Variants in ZNF385B observed in about 807,000 individuals in gnomAD.
The protein encoded by ZNF385B is zinc finger protein 533.
ZNF385B carries 23 observed loss-of-function variants against 39.2 expected under a neutral mutation model. The ratio of observed to expected loss-of-function variants is 0.59; its 90% CI spans 0.42 to 0.83. The LOEUF is 0.83. ZNF385B is among the 40% of genes least tolerant of loss of function. The pLI is 0.00. For missense variants in ZNF385B, 552 were observed against 598.9 expected (o/e 0.92, Z 0.82); for synonymous variants, 205 against 222.6 (o/e 0.92, Z 0.70).
At chr2:179,545,087 G>A in intron 3 of ZNF385B, 118 bp from the exon 4 acceptor site, 1 of 1,264,410 alleles carries the variant, frequency 7.9e-7, no homozygotes, top group Non-Finnish European at 1.1e-6. Context: ...GAGTTATGCT[G>A]TAAGTAAGCA....
intron 1 of ZNF385B, among the ~76,000 whole-genome samples, chr2:179,834,990 C>G (rs935874157): frequency 5.9e-5 from 9 of 152,008 alleles, no homozygotes; most frequent in African/African-American, 1.4e-4. Flanking sequence ...TCATAAGGAA[C>G]AAAGAAGGCT....
chr2:179,444,249 A>G (rs2049249457), intron 9 of ZNF385B, among the ~76,000 whole-genome samples: 1 of 152,214 alleles, frequency 6.6e-6, no homozygotes, highest in Non-Finnish European at 1.5e-5. Context: ...GCTCAGCTTC[A>G]TCCTCAGACT....
intron 6 of ZNF385B, among the ~76,000 whole-genome samples, chr2:179,451,962 G>A (rs76794536): frequency 0.01 from 1,592 of 152,108 alleles, 24 homozygotes; most frequent in Non-Finnish European, 0.013. Context: ...TGGAACTTCT[G>A]GTTAAGATGA....
At chr2:179,652,611 C>T (rs1693295896) in intron 3 of ZNF385B, among the ~76,000 whole-genome samples, 2 of 152,140 alleles carry the variant, frequency 1.3e-5, no homozygotes, top group Non-Finnish European at 2.9e-5. Flanking sequence ...TAGTCCCTTG[C>T]TCTTGACACT....
At chr2:179,658,108 G>T (rs892499827) in intron 3 of ZNF385B, among the ~76,000 whole-genome samples, 1 of 152,190 alleles carries the variant, frequency 6.6e-6, no homozygotes, top group African/African-American at 2.4e-5. Flanking sequence ...TCAACTGCAG[G>T]ATCCCTTTTA....
intron 1 of ZNF385B, among the ~76,000 whole-genome samples, chr2:179,776,683 G>A (rs1443707895): frequency 1.3e-5 from 2 of 152,108 alleles, no homozygotes; most frequent in Non-Finnish European, 2.9e-5. Flanking sequence ...GGATGCTCGT[G>A]ACCAACAACA....
chr2:179,652,925 G>GA (rs1010606480), intron 3 of ZNF385B, among the ~76,000 whole-genome samples: 41 of 150,790 alleles, frequency 2.7e-4, no homozygotes, highest in Middle Eastern at 3.5e-3. Flanking sequence ...TTTAGGCAGG[G>GA]AAAAAAAAAT....
chr2:179,742,875 G>C (rs937618543), intron 3 of ZNF385B, among the ~76,000 whole-genome samples: 1 of 151,966 alleles, frequency 6.6e-6, no homozygotes, highest in African/African-American at 2.4e-5. Context: ...AATTCAAGAT[G>C]CTATACCTTA....
At chr2:179,729,893 T>A (rs193186371) in intron 3 of ZNF385B, among the ~76,000 whole-genome samples, 5 of 152,286 alleles carry the variant, frequency 3.3e-5, no homozygotes, top group African/African-American at 1.2e-4. Flanking sequence ...GTAAGATGTA[T>A]CTGCTTCCCC....
chr2:179,514,774 G>A (rs930849808), intron 5 of ZNF385B, among the ~76,000 whole-genome samples: 1 of 49,546 alleles, frequency 2.0e-5, no homozygotes, highest in Non-Finnish European at 4.3e-5. Flanking sequence ...TTCAATGTGT[G>A]GTGGTTTTTT....
At chr2:179,523,186 A>G (rs760363287) in intron 4 of ZNF385B, among the ~76,000 whole-genome samples, 1 of 152,162 alleles carries the variant, frequency 6.6e-6, no homozygotes, top group Non-Finnish European at 1.5e-5. Context: ...TGAGGAGGTA[A>G]TTGGAGGCCA....
chr2:179,663,586 T>G (rs1694753554), intron 3 of ZNF385B, among the ~76,000 whole-genome samples: 1 of 151,940 alleles, frequency 6.6e-6, no homozygotes, highest in African/African-American at 2.4e-5. Flanking sequence ...GGCGGGCGCC[T>G]GTAGTCCCAG....
intron 1 of ZNF385B, among the ~76,000 whole-genome samples, chr2:179,835,109 T>C (rs1708176384): frequency 6.6e-6 from 1 of 152,122 alleles, no homozygotes. Flanking sequence ...GGCTGGATAG[T>C]AGATAGAAGT....
chr2:179,677,487 G>A (rs1420377191), intron 3 of ZNF385B, among the ~76,000 whole-genome samples: 1 of 152,180 alleles, frequency 6.6e-6, no homozygotes, highest in Non-Finnish European at 1.5e-5. Flanking sequence ...CTTCTGAAAC[G>A]AATGAAGTTG....
At chr2:179,783,733 A>G (rs13428368) in intron 1 of ZNF385B, among the ~76,000 whole-genome samples, 54,598 of 152,016 alleles carry the variant, frequency 0.36, 9,911 homozygotes, top group Middle Eastern at 0.49. Context: ...AAAAAGCTCA[A>G]TGTGACTGGT....
chr2:179,830,010 C>T (rs1018224977), intron 1 of ZNF385B, among the ~76,000 whole-genome samples: 1 of 152,138 alleles, frequency 6.6e-6, no homozygotes. Flanking sequence ...ATATAAAAAA[C>T]TCTTCAACAC....
intron 3 of ZNF385B, among the ~76,000 whole-genome samples, chr2:179,692,443 C>T (rs551643820): frequency 2.4e-3 from 366 of 152,286 alleles, no homozygotes; most frequent in Non-Finnish European, 4.4e-3. Context: ...CTGTTCATTA[C>T]TGCTCCAAAT....
At chr2:179,795,221 G>A (rs556134689) in intron 1 of ZNF385B, among the ~76,000 whole-genome samples, 1 of 151,216 alleles carries the variant, frequency 6.6e-6, no homozygotes, top group Admixed American at 6.6e-5. Flanking sequence ...AATATAGTAG[G>A]TAAGAAAGCT....
At chr2:179,705,375 C>T (rs140066283) in intron 3 of ZNF385B, among the ~76,000 whole-genome samples, 26 of 152,348 alleles carry the variant, frequency 1.7e-4, no homozygotes, top group African/African-American at 5.0e-4. Context: ...CAAAGACTTA[C>T]CAAACATTTG....
Sources: allele counts gnomAD v4.1 joint callset (sites outside exome capture counted in the v4.1 genomes callset), GRCh38; gene constraint gnomAD v4.1.1; transcripts MANE v1.5; gene names NCBI Gene and HGNC (gene_info 2026-07-23, HGNC 2026-07-21).